The following LTBP2 variants were observed in gnomAD, a reference collection of about 807,000 sequenced individuals.
The protein encoded by LTBP2 is latent transforming growth factor beta binding protein 2.
Under a neutral mutation model 210.6 loss-of-function variants are expected in LTBP2, and 103 were observed. The ratio of observed to expected loss-of-function variants is 0.49; its 90% CI spans 0.42 to 0.58. The LOEUF (loss-of-function observed/expected upper bound fraction) is 0.58, where lower values mean the gene tolerates loss of function less well. LTBP2 is among the 20% of genes least tolerant of loss of function. The pLI, the probability that LTBP2 is intolerant of heterozygous loss-of-function variation, is 0.00. For missense variants in LTBP2, 2,313 were observed against 2,494.5 expected, an observed-to-expected ratio of 0.93 and a Z score of 1.55; for synonymous variants, 1,007 against 1,015.0, an observed-to-expected ratio of 0.99 and a Z score of 0.15.
At chr14:74,509,616 TC>T in intron 21 of LTBP2, 117 bp downstream of exon 21, 1 of 1,466,908 alleles carries the variant, frequency 6.8e-7, no homozygotes, top group African/African-American at 1.4e-5. Context: ...TATGGGGTCT[TC>T]TAGCCTAGCC....
chr14:74,604,554 CTTT>C (rs779089868), intron 1 of LTBP2, among the ~76,000 whole-genome samples: 3 of 142,330 alleles, frequency 2.1e-5, no homozygotes, highest in Non-Finnish European at 1.5e-5. Context: ...TCAACTACTC[CTTT>C]TTTTTTTTTT....
chr14:74,500,276 C>T lies in LTBP2; in HGVS notation c.*608G>A, dbSNP rs2086895179. 2 of 240,410 alleles carry T rather than the reference C, an allele frequency of 8.3e-6. No homozygotes were observed. Among genetic ancestry groups the T allele is most frequent in the Non-Finnish European group, 1.6e-5 (2 of 122,002 alleles). The allele number at this position is 240,410 out of a possible 1,614,324, so 14.9% of individuals were successfully genotyped here. On this transcript the variant is annotated 3_prime_UTR_variant, in exon 36 of 36. Coordinates refer to ENST00000261978, the MANE Select transcript of LTBP2 (RefSeq NM_000428.3). ...ACAAGCTAATATCAGCCTTGCTTCT[C>T]TGAGTGAAGGGATCTTCTGCCACTC...
chr14:74,609,087 T>G (rs1029315174), intron 1 of LTBP2, among the ~76,000 whole-genome samples: 25 of 152,324 alleles, frequency 1.6e-4, no homozygotes, highest in African/African-American at 6.0e-4. Context: ...CCTGGCTGTC[T>G]GCAGCTCACA....
At chr14:74,523,404 G>T (rs2087233873) in intron 15 of LTBP2, among the ~76,000 whole-genome samples, 1 of 152,096 alleles carries the variant, frequency 6.6e-6, no homozygotes, top group South Asian at 2.1e-4. Context: ...ATTGAGACTG[G>T]CCTGTAACAA....
Position 74,585,977 on chromosome 14 carries a change from G to A in LTBP2, c.707C>T (p.Pro236Leu), listed in dbSNP as rs1222662625. Residue 236 changes from proline (P) to leucine (L), a missense_variant, in exon 3 of 36, where the codon CCT (proline) becomes CTT (leucine). Pro to Leu is a moderately conservative substitution (Grantham distance 98). This residue lies in a region of LTBP2 where 1,867 missense variants were observed against 1,976.9 expected (regional missense o/e 0.94). Transcript: ENST00000261978. ...EFDPQNSRLA[P>L]RRWAERSPNL... ...GGGTGAACGCTCGGCCCAGCGTCGA[G>A]GTGCCAGCCTGGAGTTCTGGGGGTC... 4 of 1,613,084 alleles carry A rather than the reference G, an allele frequency of 2.5e-6. No homozygotes were observed. The highest frequency in any genetic ancestry group is 1.1e-5 in the South Asian group (1 of 90,856).
chr14:74,609,921 A>G (rs555664519), intron 1 of LTBP2, among the ~76,000 whole-genome samples: 1 of 152,368 alleles, frequency 6.6e-6, no homozygotes, highest in South Asian at 2.1e-4. Context: ...CAGATCAGGA[A>G]AGGAAAACGC....
rs191918756 is a variant in LTBP2 at position 74,542,958 on chromosome 14, G to T, written c.1789+6905C>A. Among the ~76,000 whole-genome samples, 79 of 151,812 alleles carry T rather than the reference G, an allele frequency of 5.2e-4. 1 individual carries two copies. Among genetic ancestry groups the T allele is most frequent in the African/African-American group, 1.9e-3 (78 of 41,428 alleles). On this transcript the variant is annotated intron_variant, in intron 8 of 35. Coordinates refer to ENST00000261978, the MANE Select transcript of LTBP2 (RefSeq NM_000428.3). ...ATTTTTGTATTTTTAGTAGAGAGAC[G>T]GGGTTTCACCATGTTGGCCAGGATG...
At chr14:74,545,356 C>T (rs2087564093) in intron 8 of LTBP2, among the ~76,000 whole-genome samples, 1 of 152,178 alleles carries the variant, frequency 6.6e-6, no homozygotes, top group East Asian at 1.9e-4. Context: ...ATGTGAAGGG[C>T]CCAGTGTAAT....
At chr14:74,592,968 G>A (rs186604306) in intron 2 of LTBP2, among the ~76,000 whole-genome samples, 44 of 152,200 alleles carry the variant, frequency 2.9e-4, no homozygotes, top group Middle Eastern at 6.8e-3. Context: ...CCCCTGGCCC[G>A]CTCTTCACTG....
At chr14:74,590,178 A>T (rs2088262675) in intron 2 of LTBP2, among the ~76,000 whole-genome samples, 1 of 152,236 alleles carries the variant, frequency 6.6e-6, no homozygotes, top group African/African-American at 2.4e-5. Context: ...AAAAGGGAAC[A>T]CTTATACACT....
chr14:74,566,728 G>T (rs989552985), intron 3 of LTBP2, among the ~76,000 whole-genome samples: 2 of 152,154 alleles, frequency 1.3e-5, no homozygotes, highest in East Asian at 3.9e-4. Context: ...TATCCTAAAG[G>T]GTCGAGAGCC....
At chr14:74,554,534 G>C (rs576354042) in intron 4 of LTBP2, among the ~76,000 whole-genome samples, 1 of 152,092 alleles carries the variant, frequency 6.6e-6, no homozygotes, top group East Asian at 1.9e-4. Context: ...AAAATGTAAC[G>C]CTAAGTGAAA....
At chr14:74,549,838 C>T (rs774126050) in intron 8 of LTBP2, 25 bp downstream of exon 8, 10 of 1,589,762 alleles carry the variant, frequency 6.3e-6, no homozygotes, top group Middle Eastern at 3.3e-4. Flanking sequence ...CTCCACAACA[C>T]GTGACCTTGG....
chr14:74,591,237 A>G (rs1010944581), intron 2 of LTBP2, among the ~76,000 whole-genome samples: 2 of 152,176 alleles, frequency 1.3e-5, no homozygotes, highest in African/African-American at 4.8e-5. Flanking sequence ...GGGTTCCCAC[A>G]TTCCTAGAAA....
At chr14:74,501,074 C>A in intron 35 of LTBP2, 45 bp from the exon 36 acceptor site, 1 of 1,589,632 alleles carries the variant, frequency 6.3e-7, no homozygotes, top group Non-Finnish European at 8.6e-7. Context: ...CCAGGTGCCT[C>A]TGCTGGCTGC....
At chr14:74,521,819 G>T (rs1325868292) in intron 17 of LTBP2, 92 bp downstream of exon 17, 1 of 1,539,908 alleles carries the variant, frequency 6.5e-7, no homozygotes, top group Non-Finnish European at 8.9e-7. Flanking sequence ...CCCATTCTGC[G>T]GCACGGTGTT....
In LTBP2 at chr14:74,572,825, G is replaced by A. The variant is rs186093359; in HGVS notation, c.830+13029C>T. Among the ~76,000 whole-genome samples, 223 of 152,236 alleles carry A rather than the reference G, an allele frequency of 1.5e-3. 1 individual carries two copies. Among genetic ancestry groups the A allele is most frequent in the African/African-American group, 5.1e-3 (212 of 41,532 alleles). ...GCAGCCAGTTCTGTAAAAAGCAGCC[G>A]GATGGGGCGAACCTTCCCTGGGCCA... On this transcript the variant is annotated intron_variant, in intron 3 of 35. Coordinates refer to ENST00000261978, the MANE Select transcript of LTBP2 (RefSeq NM_000428.3).
intron 19 of LTBP2, 75 bp from the exon 20 acceptor site, chr14:74,510,288 T>C (rs1462950087): frequency 6.3e-6 from 10 of 1,596,028 alleles, no homozygotes; most frequent in African/African-American, 1.3e-5. Context: ...GCTCCAAGCA[T>C]CTCAGTTATG....
At chr14:74,529,316 A>G (rs2087320558) in intron 10 of LTBP2, among the ~76,000 whole-genome samples, 194 bp from the exon 11 acceptor site, 3 of 152,246 alleles carry the variant, frequency 2.0e-5, no homozygotes, top group Admixed American at 2.0e-4. Context: ...GGAATGTTTC[A>G]GCACCTGCCC....
Sources: allele counts gnomAD v4.1 joint callset (sites outside exome capture counted in the v4.1 genomes callset), GRCh38; gene constraint gnomAD v4.1.1; regional missense constraint gnomAD v4.1.1; transcripts MANE v1.5; gene names NCBI Gene and HGNC (gene_info 2026-07-23, HGNC 2026-07-21).